The following MORC3 variants were observed in gnomAD, a reference collection of about 807,000 sequenced individuals.
The protein encoded by MORC3 is MORC family CW-type zinc finger protein 3.
MORC3 carries 31 observed loss-of-function variants against 109.1 expected under a neutral mutation model. The ratio of observed to expected loss-of-function variants is 0.28; its 90% confidence interval spans 0.21 to 0.38. The LOEUF is 0.38. Ranked by LOEUF, MORC3 falls within the 10% of genes least tolerant of loss-of-function variation. MORC3 has a pLI of 1.00. For missense variants in MORC3, 867 were observed against 1,135.8 expected, an observed-to-expected ratio of 0.76 and a Z score of 3.40; for synonymous variants, 395 against 380.7, an observed-to-expected ratio of 1.04 and a Z score of -0.44.
intron 10 of MORC3, among the ~76,000 whole-genome samples, chr21:36,359,145 AAT>A (rs1188424804): frequency 6.6e-6 from 1 of 152,208 alleles, no homozygotes; most frequent in Non-Finnish European, 1.5e-5. Flanking sequence ...TAATAAATAC[AAT>A]ATATTGTAGA....
intron 4 of MORC3, 55 bp from the exon 5 acceptor site, chr21:36,338,719 A>T (rs2085401721): frequency 6.7e-7 from 1 of 1,486,228 alleles, no homozygotes; most frequent in Non-Finnish European, 9.2e-7. Flanking sequence ...GTTAGTTTTC[A>T]TATTGTAATT....
At chr21:36,325,441 ATTAT>A (rs1315394266) in intron 1 of MORC3, among the ~76,000 whole-genome samples, 1 of 151,520 alleles carries the variant, frequency 6.6e-6, no homozygotes, top group Non-Finnish European at 1.5e-5. Context: ...TGTTTGTTTG[ATTAT>A]TTGTTTATTA....
intron 2 of MORC3, among the ~76,000 whole-genome samples, chr21:36,334,174 G>C (rs1788825405): frequency 6.6e-6 from 1 of 152,136 alleles, no homozygotes; most frequent in Non-Finnish European, 1.5e-5. Flanking sequence ...AGGATCACGT[G>C]AGACCGGGAA....
intron 9 of MORC3, among the ~76,000 whole-genome samples, chr21:36,352,002 TAA>T (rs1398325005): frequency 3.6e-4 from 55 of 151,926 alleles, no homozygotes; most frequent in Non-Finnish European, 6.2e-4. Context: ...ATCATAGAAT[TAA>T]AAGTCTTAAT....
chr21:36,348,054 A>T (rs1407922762), intron 8 of MORC3: 1 of 152,234 alleles, frequency 6.6e-6, no homozygotes, highest in African/African-American at 2.4e-5. Flanking sequence ...TTTTCATTTT[A>T]TGAGTTACAC....
chr21:36,372,530 A>T lies in MORC3; in HGVS notation c.2665A>T (p.Ser889Cys). The change falls in exon 16 of 17, where the codon AGC becomes TGC. Residue 889 changes from serine (S) to cysteine (C), a missense_variant and splice_region_variant. Ser to Cys is a moderately radical substitution (Grantham distance 112, BLOSUM62 -1). Coordinates refer to ENST00000400485, the MANE Select transcript of MORC3 (RefSeq NM_015358.3). ...EESVNHMDGE[S>C]LKLRSLRVNV... ...GTCTGTAAATCATATGGATGGAGAA[A>T]GGTAATATTAAATGAGGCGTTTTTG... 6.3e-7 allele frequency: 1 copy of T among 1,575,536 alleles called. No individual in the cohort carries two copies.
chr21:36,320,700 A>C, intron 1 of MORC3: 3 of 184,466 alleles, frequency 1.6e-5, no homozygotes, highest in East Asian at 1.3e-4. Context: ...CGCGTCCAGA[A>C]ACGCCGGCGG....
rs549657506 is a variant in MORC3, at chr21:36,323,969, G to T, written c.39+3666G>T. 1.9e-3 allele frequency among the ~76,000 whole-genome samples: 284 copies of T among 151,106 alleles called. 1 individual carries two copies. The highest frequency in any genetic ancestry group is 6.3e-3 in the African/African-American group (258 of 41,196). ...CGGCTCACCGCAACCCCTGCCTCCC[G>T]GGTTCAAGCGATTCTCCCGCCTCAG... On this transcript the variant is annotated intron_variant, in intron 1 of 16. Transcript: ENST00000400485.
At chr21:36,342,744 CACAGTGGCTCACACATGTA>C (rs1457111808) in intron 6 of MORC3, among the ~76,000 whole-genome samples, 14 of 151,968 alleles carry the variant, frequency 9.2e-5, no homozygotes, top group South Asian at 2.1e-4. Flanking sequence ...ATGGGCTAGG[CACAGTGGCTCACACATGTA>C]ATCCCAGCAC....
chr21:36,365,995 G>A (rs866602895), intron 14 of MORC3, among the ~76,000 whole-genome samples: 3 of 152,128 alleles, frequency 2.0e-5, no homozygotes, highest in Non-Finnish European at 4.4e-5. Context: ...TCTTTGTAAG[G>A]ATGGTTTTGT....
chr21:36,331,742 A>G (rs2085317574), intron 1 of MORC3, among the ~76,000 whole-genome samples: 1 of 152,266 alleles, frequency 6.6e-6, no homozygotes, highest in Non-Finnish European at 1.5e-5. Flanking sequence ...GAGTAAAATC[A>G]GGCATAAAAG....
Position 36,344,602 on chromosome 21 carries a change from A to G in MORC3, c.780A>G (p.Leu260=), listed in dbSNP as rs977571353. The change falls in exon 7 of 17, where the codon CTA becomes CTG. Residue 260 remains leucine (L), a synonymous_variant. Transcript: ENST00000400485. ...SLRAYCSILY[L]KPRMQIILRG... The stretch of plus-strand genomic sequence containing the variant: ...AGGCTTATTGCAGTATATTATATCT[A>G]AAGCCAAGAATGCAGATCATCCTAC... 1 of 1,614,028 alleles carries G rather than the reference A, an allele frequency of 6.2e-7. No homozygotes were observed. Among genetic ancestry groups the G allele is most frequent in the African/African-American group, 1.3e-5 (1 of 75,062 alleles).
chr21:36,358,114 A>C (rs62229400), intron 10 of MORC3, among the ~76,000 whole-genome samples: 111,433 of 151,892 alleles, frequency 0.73, 41,934 homozygotes, highest in East Asian at 1. Flanking sequence ...GGTACGTTGG[A>C]TCACATCTGT....
At chr21:36,322,383 A>AT (rs1380393137) in intron 1 of MORC3, among the ~76,000 whole-genome samples, 1 of 151,744 alleles carries the variant, frequency 6.6e-6, no homozygotes, top group African/African-American at 2.4e-5. Flanking sequence ...ATTTTATTTT[A>AT]TTTTTTTGAG....
intron 13 of MORC3, 30 bp downstream of exon 13, chr21:36,362,258 T>C: frequency 6.3e-7 from 1 of 1,583,314 alleles, no homozygotes; most frequent in Non-Finnish European, 8.6e-7. Context: ...TTTTTTTTTT[T>C]TTAAATAGAG....
intron 14 of MORC3, among the ~76,000 whole-genome samples, chr21:36,367,482 GAATA>G (rs1238052014): frequency 2.0e-5 from 3 of 152,144 alleles, no homozygotes; most frequent in East Asian, 1.9e-4. Flanking sequence ...ATGTAAACTT[GAATA>G]AATAAATCAT....
chr21:36,333,711 A>G lies in MORC3; in HGVS notation c.105A>G (p.Glu35=). Reference sequence around the variant, plus strand: ...CCTGGCCATTCAGTGCAGTTGCTGAATTAATAGGTATGTAGTTTGACATTT... The same window carrying G: ...CCTGGCCATTCAGTGCAGTTGCTGAGTTAATAGGTATGTAGTTTGACATTT... The part of the protein sequence containing the change: ...SHTWPFSAVA[E]LIDNAYDPDV... The change falls in exon 2 of 17, where the codon GAA becomes GAG. Residue 35 remains glutamate, a synonymous_variant. Transcript: ENST00000400485. The G allele has an allele frequency of 1.2e-6, 2 of 1,607,344 alleles. No individual in the cohort carries two copies. Among genetic ancestry groups the G allele is most frequent in the East Asian group, 2.2e-5 (1 of 44,836 alleles).
chr21:36,363,875 C>T (rs1033362174), intron 13 of MORC3, among the ~76,000 whole-genome samples: 5 of 152,186 alleles, frequency 3.3e-5, no homozygotes, highest in Admixed American at 1.3e-4. Context: ...TGTTTCTTCA[C>T]ACCTTTTAAA....
rs935685290 is a variant in MORC3 at position 36,375,527 on chromosome 21, T to C, written c.*231T>C. ...CAGCTGAAGCTAACTCATGACTCTG[T>C]TTTGAATGTAAATATTTGTAATTAA... is the stretch of plus-strand genomic sequence containing the variant. On this transcript the variant is annotated 3_prime_UTR_variant, in exon 17 of 17. Transcript: ENST00000400485. 2 of 377,406 alleles carry C rather than the reference T, an allele frequency of 5.3e-6. No homozygotes were observed. The highest frequency in any genetic ancestry group is 9.6e-6 in the Non-Finnish European group (2 of 209,188). 23.4% of individuals were successfully genotyped at this position (377,406 alleles called of 1,614,324 possible). A position where few individuals can be genotyped will look rare whatever the true frequency, so the allele number is the denominator to read the frequency against.
Sources: gnomAD v4.1 joint callset for allele counts (sites outside exome capture counted in the v4.1 genomes callset) on GRCh38, gnomAD v4.1.1 for gene constraint, MANE v1.5 for transcripts, NCBI Gene and HGNC (gene_info 2026-07-23, HGNC 2026-07-21) for gene names.